Variants in NTRK3 observed in about 807,000 individuals in gnomAD.
NTRK3 encodes the protein neurotrophic receptor tyrosine kinase 3, also known as NT-3 growth factor receptor.
In NTRK3, 24 loss-of-function variants were observed where a neutral mutation model predicts 91.7. The observed-to-expected ratio is 0.26, with a 90% CI of 0.19 to 0.37. The LOEUF (loss-of-function observed/expected upper bound fraction) is 0.37. NTRK3 is among the 10% of genes least tolerant of loss of function. NTRK3 has a pLI of 1.00. For missense variants in NTRK3, 880 were observed against 1,068.9 expected (o/e 0.82, Z 2.46); for synonymous variants, 483 against 404.0 (o/e 1.20, Z -2.34).
intron 3 of NTRK3, among the ~76,000 whole-genome samples, chr15:88,191,508 A>G (rs1435035210): frequency 1.3e-5 from 2 of 152,216 alleles, no homozygotes; most frequent in Non-Finnish European, 2.9e-5. Context: ...CTTCAAAAAC[A>G]AGATTGCATA....
chr15:88,177,914 G>C (rs887498687), intron 5 of NTRK3, among the ~76,000 whole-genome samples: 6 of 152,248 alleles, frequency 3.9e-5, no homozygotes, highest in Admixed American at 3.3e-4. Flanking sequence ...CCAATCCTAT[G>C]AAGTAGGAAC....
intron 14 of NTRK3, among the ~76,000 whole-genome samples, chr15:87,984,954 C>T (rs1324775308): frequency 2.0e-5 from 3 of 152,164 alleles, no homozygotes; most frequent in Non-Finnish European, 4.4e-5. Context: ...GAGATTCAAA[C>T]TGTACAATAA....
At chr15:88,182,577 T>G (rs935228249) in intron 5 of NTRK3, among the ~76,000 whole-genome samples, 2 of 152,194 alleles carry the variant, frequency 1.3e-5, no homozygotes, top group Admixed American at 6.5e-5. Flanking sequence ...GCAGAGCCTC[T>G]GCTCTTTGGG....
intron 5 of NTRK3, among the ~76,000 whole-genome samples, chr15:88,159,429 A>G (rs2044228118): frequency 6.6e-6 from 1 of 152,146 alleles, no homozygotes; most frequent in South Asian, 2.1e-4. Context: ...AAACCAAATT[A>G]CCAGGCCTCC....
At chr15:87,903,676 C>T (rs1311228359) in intron 17 of NTRK3, among the ~76,000 whole-genome samples, 1 of 152,164 alleles carries the variant, frequency 6.6e-6, no homozygotes, top group Non-Finnish European at 1.5e-5. Context: ...ACCAAACTCC[C>T]TAAACTAATG....
intron 14 of NTRK3, among the ~76,000 whole-genome samples, chr15:88,003,097 A>G (rs1177988266): frequency 6.6e-6 from 1 of 152,176 alleles, no homozygotes; most frequent in African/African-American, 2.4e-5. Flanking sequence ...AAAGATTTAG[A>G]AAAAAAATCA....
chr15:87,876,793 G>A, exon 19 of NTRK3: 1 of 912,200 alleles, frequency 1.1e-6, no homozygotes, highest in Non-Finnish European at 1.7e-6. Flanking sequence ...CCTTTTTTCA[G>A]TGTTGTATGT....
At chr15:87,917,989 T>C (rs867725261) in intron 17 of NTRK3, among the ~76,000 whole-genome samples, 1 of 106,678 alleles carries the variant, frequency 9.4e-6, no homozygotes, top group Non-Finnish European at 1.8e-5. Context: ...ATTTCACTGT[T>C]TTTTTGTGTT....
At chr15:88,074,521 C>G (rs536330929) in intron 13 of NTRK3, among the ~76,000 whole-genome samples, 1 of 152,208 alleles carries the variant, frequency 6.6e-6, no homozygotes, top group Non-Finnish European at 1.5e-5. Context: ...GATCCTGTCC[C>G]CTGGATGACT....
intron 14 of NTRK3, among the ~76,000 whole-genome samples, chr15:88,014,761 G>A (rs1269453345): frequency 6.6e-6 from 1 of 152,226 alleles, no homozygotes; most frequent in Non-Finnish European, 1.5e-5. Flanking sequence ...CAACACCGGA[G>A]CAGGTTCTTT....
chr15:88,032,234 A>G (rs2078605427), intron 14 of NTRK3, among the ~76,000 whole-genome samples: 1 of 152,078 alleles, frequency 6.6e-6, no homozygotes, highest in African/African-American at 2.4e-5. Context: ...GCTCAGCAGA[A>G]GGACAAGGAG....
chr15:88,187,348 C>A (rs1222678590), intron 3 of NTRK3, among the ~76,000 whole-genome samples: 1 of 152,096 alleles, frequency 6.6e-6, no homozygotes, highest in East Asian at 1.9e-4. Context: ...AAGATGAGGC[C>A]CTGACATTTC....
chr15:87,903,522 A>C (rs941672089), intron 17 of NTRK3, among the ~76,000 whole-genome samples: 9 of 152,130 alleles, frequency 5.9e-5, no homozygotes, highest in Non-Finnish European at 1.5e-5. Flanking sequence ...CTGCTCTGAG[A>C]CACTATATTT....
chr15:88,046,523 G>A (rs2080214536), intron 13 of NTRK3, among the ~76,000 whole-genome samples: 1 of 152,198 alleles, frequency 6.6e-6, no homozygotes, highest in Non-Finnish European at 1.5e-5. Flanking sequence ...GGGGAGGACA[G>A]AGAGGAAGGC....
intron 14 of NTRK3, among the ~76,000 whole-genome samples, chr15:87,951,655 A>G (rs1289550215): frequency 6.6e-6 from 1 of 152,190 alleles, no homozygotes; most frequent in Non-Finnish European, 1.5e-5. Context: ...TTCCACAGAG[A>G]CTTGGGAGGC....
intron 3 of NTRK3, among the ~76,000 whole-genome samples, chr15:88,204,705 C>T (rs1405580266): frequency 6.6e-6 from 1 of 152,188 alleles, no homozygotes; most frequent in Non-Finnish European, 1.5e-5. Flanking sequence ...AATGGGAGCC[C>T]GCCCAAGCCA....
intron 13 of NTRK3, among the ~76,000 whole-genome samples, chr15:88,107,629 C>A (rs1466443979): frequency 6.6e-6 from 1 of 152,062 alleles, no homozygotes; most frequent in African/African-American, 2.4e-5. Context: ...CCAATTGTGG[C>A]CCATTCCTGG....
intron 8 of NTRK3, 144 bp downstream of exon 8, chr15:88,136,323 G>T: frequency 8.9e-7 from 1 of 1,127,096 alleles, no homozygotes; most frequent in Non-Finnish European, 1.3e-6. Flanking sequence ...AGAGCGAAAT[G>T]GCTAGAAAAT....
At chr15:87,991,599 T>C (rs1201103998) in intron 14 of NTRK3, among the ~76,000 whole-genome samples, 3 of 152,140 alleles carry the variant, frequency 2.0e-5, no homozygotes, top group Non-Finnish European at 2.9e-5. Context: ...ACAATCCCCA[T>C]CCCAAACAAT....
Sources: gnomAD v4.1 joint callset for allele counts (sites outside exome capture counted in the v4.1 genomes callset) on GRCh38, gnomAD v4.1.1 for gene constraint, MANE v1.5 for transcripts, NCBI Gene and HGNC (gene_info 2026-07-23, HGNC 2026-07-21) for gene names.